Variants in CLNK observed in about 807,000 individuals in gnomAD.
CLNK encodes the protein cytokine-dependent hematopoietic cell linker.
A neutral mutation model predicts 68.6 loss-of-function variants in CLNK; 74 were observed. The ratio of observed to expected loss-of-function variants is 1.08; its 90% CI spans 0.89 to 1.31. The LOEUF (loss-of-function observed/expected upper bound fraction) is 1.31, where lower values mean the gene tolerates loss of function less well. Among genes scored for constraint, CLNK ranks in the 50% most tolerant of loss-of-function variants. The pLI, the probability that CLNK is intolerant of heterozygous loss-of-function variation, is 0.00. For missense variants in CLNK, 553 were observed against 515.3 expected (o/e 1.07, Z -0.71); for synonymous variants, 198 against 172.2 (o/e 1.15, Z -1.17).
chr4:10,541,945 G>C, intron 10 of CLNK, 77 bp downstream of exon 10: 1 of 1,052,198 alleles, frequency 9.5e-7, no homozygotes, highest in Non-Finnish European at 1.4e-6. Context: ...TCAAATGTTT[G>C]TGTTTCTCTT....
intron 2 of CLNK, among the ~76,000 whole-genome samples, chr4:10,618,510 A>C (rs1434515389): frequency 1.3e-5 from 2 of 152,184 alleles, no homozygotes; most frequent in Non-Finnish European, 2.9e-5. Context: ...AAAATGGGTG[A>C]ATTATATGAC....
At chr4:10,694,887 T>C in the CLNK span, among the ~76,000 whole-genome samples, 1 of 152,246 alleles carries the variant, frequency 6.6e-6, no homozygotes, top group Non-Finnish European at 1.5e-5. Context: ...TAGAATGTTC[T>C]TTTCTAACCC....
chr4:10,558,864 T>C (rs966791554), intron 7 of CLNK, among the ~76,000 whole-genome samples: 11 of 152,160 alleles, frequency 7.2e-5, no homozygotes, highest in Non-Finnish European at 1.5e-5. Context: ...TATGGCCTCA[T>C]GGGAAGGCCT....
chr4:10,575,468 G>A (rs1016459174), intron 4 of CLNK, among the ~76,000 whole-genome samples: 2 of 152,262 alleles, frequency 1.3e-5, no homozygotes, highest in Non-Finnish European at 2.9e-5. Context: ...AAAAATTAAA[G>A]AGCGCCTCTC....
chr4:10,617,769 A>T (rs1461695795), intron 2 of CLNK, among the ~76,000 whole-genome samples: 1 of 152,230 alleles, frequency 6.6e-6, no homozygotes, highest in Non-Finnish European at 1.5e-5. Flanking sequence ...CTTCTTTGGC[A>T]GGCTCATTTT....
In CLNK at chr4:10,501,259, A is replaced by T. The variant is rs768542855; in HGVS notation, c.1137T>A (p.Asp379Glu). The T allele has an allele frequency of 2.5e-6, 4 of 1,570,262 alleles. No individual in the cohort carries two copies. The East Asian group carries it at 9.3e-5, about 37-fold the overall frequency. Residue 379 changes from aspartate to glutamate, a missense_variant, in exon 18 of 19, where the codon GAT (aspartate) becomes GAA (glutamate). Coordinates refer to ENST00000226951, the MANE Select transcript of CLNK (RefSeq NM_052964.4). ...GAGGCTGTTAAGTTATACCCACCTC[A>T]TCTCCTCTGAGTCCTGTCCCCAGGG... ...QFALGTGLRG[D>E]EKFDSVEDII...
the CLNK span, among the ~76,000 whole-genome samples, chr4:10,718,314 G>A: frequency 5.9e-5 from 9 of 152,024 alleles, no homozygotes; most frequent in Admixed American, 3.3e-4. Flanking sequence ...TATTCAAGAA[G>A]CTAAATGAAC....
chr4:10,672,290 T>C (rs903745857), intron 1 of CLNK, among the ~76,000 whole-genome samples: 7 of 152,352 alleles, frequency 4.6e-5, no homozygotes, highest in Admixed American at 4.6e-4. Flanking sequence ...TTTTGCGTTC[T>C]CTGGATCTGT....
At chr4:10,547,931 G>T (rs564423351) in intron 8 of CLNK, among the ~76,000 whole-genome samples, 1 of 152,040 alleles carries the variant, frequency 6.6e-6, no homozygotes, top group African/African-American at 2.4e-5. Flanking sequence ...TGGCTACTGT[G>T]AATAATGCTG....
chr4:10,660,554 A>C (rs188320291), intron 2 of CLNK, among the ~76,000 whole-genome samples: 1 of 152,354 alleles, frequency 6.6e-6, no homozygotes, highest in African/African-American at 2.4e-5. Flanking sequence ...CATTAAGTAC[A>C]TCAGAGCCTT....
the CLNK span, among the ~76,000 whole-genome samples, chr4:10,713,691 C>T: frequency 6.6e-6 from 1 of 152,070 alleles, no homozygotes; most frequent in Admixed American, 6.5e-5. Context: ...TGGTGCCTTC[C>T]CTGCAATAAT....
rs1723301774 is a variant in CLNK at position 10,641,387 on chromosome 4, G to A, written c.11+26472C>T. On this transcript the variant is annotated intron_variant, in intron 2 of 18. Coordinates refer to ENST00000226951, the MANE Select transcript of CLNK (RefSeq NM_052964.4). ...AATAATCTGGGTCTGCACTAAGGATGCAGAATGACTTCAGCAGGAAGAGGA... is the reference window on the plus strand; with the variant it reads ...AATAATCTGGGTCTGCACTAAGGATACAGAATGACTTCAGCAGGAAGAGGA... 2.0e-5 allele frequency among the ~76,000 whole-genome samples: 3 copies of A among 152,300 alleles called. No homozygotes were observed. The South Asian group carries it at 6.2e-4, about 32-fold the overall frequency.
intron 2 of CLNK, among the ~76,000 whole-genome samples, chr4:10,647,884 C>T (rs1723572496): frequency 6.6e-6 from 1 of 152,174 alleles, no homozygotes; most frequent in African/African-American, 2.4e-5. Context: ...CTCCTCTTAT[C>T]CTCAGAAAGT....
chr4:10,529,231 T>C (rs1323419460), intron 12 of CLNK, among the ~76,000 whole-genome samples: 1 of 152,208 alleles, frequency 6.6e-6, no homozygotes, highest in African/African-American at 2.4e-5. Context: ...TTTTTCTCTA[T>C]AAGTATGTGC....
intron 17 of CLNK, among the ~76,000 whole-genome samples, chr4:10,505,038 A>G (rs1232718923): frequency 6.6e-6 from 1 of 152,146 alleles, no homozygotes; most frequent in African/African-American, 2.4e-5. Context: ...CAATCCACAC[A>G]TGGGCTTCTG....
intron 4 of CLNK, among the ~76,000 whole-genome samples, chr4:10,580,479 G>T (rs1213021299): frequency 6.6e-6 from 1 of 152,154 alleles, no homozygotes; most frequent in African/African-American, 2.4e-5. Flanking sequence ...TGTTATCCTA[G>T]TAGATGACAG....
At chr4:10,527,986 A>G in intron 13 of CLNK, 90 bp downstream of exon 13, 1 of 673,250 alleles carries the variant, frequency 1.5e-6, no homozygotes, top group Non-Finnish European at 2.2e-6. Flanking sequence ...CAAACAATCA[A>G]TCCTTTTTAA....
At chr4:10,621,240 T>A (rs556243494) in intron 2 of CLNK, among the ~76,000 whole-genome samples, 193 of 152,264 alleles carry the variant, frequency 1.3e-3, no homozygotes, top group African/African-American at 4.2e-3. Flanking sequence ...GCGATAGAAG[T>A]GTCTTCCTGG....
intron 2 of CLNK, among the ~76,000 whole-genome samples, chr4:10,648,026 A>C (rs1723580875): frequency 6.6e-6 from 1 of 152,142 alleles, no homozygotes; most frequent in African/African-American, 2.4e-5. Context: ...CTGAAGATTC[A>C]CCTTCTACAT....
Sources: gnomAD v4.1 joint callset for allele counts (sites outside exome capture counted in the v4.1 genomes callset) on GRCh38, gnomAD v4.1.1 for gene constraint, MANE v1.5 for transcripts, NCBI Gene and HGNC (gene_info 2026-07-23, HGNC 2026-07-21) for gene names.